RGL1: variants seen among roughly 807,000 people sequenced by gnomAD.
The protein encoded by RGL1 is ral guanine nucleotide dissociation stimulator-like 1.
RGL1 carries 24 observed loss-of-function variants against 95.2 expected under a neutral mutation model. The observed-to-expected ratio is 0.25, with a 90% CI of 0.18 to 0.35. The LOEUF is 0.35. Ranked by LOEUF, RGL1 falls within the 10% of genes least tolerant of loss-of-function variation. RGL1 has a pLI of 1.00. For synonymous variants in RGL1, 329 were observed against 344.9 expected (o/e 0.95, Z 0.51); for missense variants, 715 against 936.3 (o/e 0.76, Z 3.08).
chr1:183,873,946 AGTG>A (rs1666334265), intron 4 of RGL1, among the ~76,000 whole-genome samples: 1 of 152,220 alleles, frequency 6.6e-6, no homozygotes. Flanking sequence ...ACTCAGTTCT[AGTG>A]GTGAAAACTA....
intron 8 of RGL1, among the ~76,000 whole-genome samples, chr1:183,889,923 A>G (rs1284719318): frequency 1.3e-5 from 2 of 152,128 alleles, no homozygotes; most frequent in African/African-American, 4.8e-5. Context: ...ATTTTGAATA[A>G]TCAAGGTGAT....
chr1:183,862,619 C>T (rs146547970), intron 3 of RGL1, among the ~76,000 whole-genome samples: 169 of 152,246 alleles, frequency 1.1e-3, no homozygotes, highest in African/African-American at 4.0e-3. Flanking sequence ...CTTTTATGCT[C>T]CTAAGCCCTT....
chr1:183,854,689 G>A (rs75433519), intron 3 of RGL1, among the ~76,000 whole-genome samples: 5 of 151,868 alleles, frequency 3.3e-5, no homozygotes, highest in Non-Finnish European at 7.4e-5. Flanking sequence ...CAGATTTAAG[G>A]CATATAGTAT....
intron 2 of RGL1, among the ~76,000 whole-genome samples, chr1:183,770,651 G>A (rs1659227258): frequency 6.6e-6 from 1 of 152,162 alleles, no homozygotes. Context: ...AGGAATTAGG[G>A]AGGGAAAAGG....
At chr1:183,681,026 T>C (rs1653176626) in intron 1 of RGL1, among the ~76,000 whole-genome samples, 2 of 152,248 alleles carry the variant, frequency 1.3e-5, no homozygotes, top group African/African-American at 4.8e-5. Flanking sequence ...ATTGATTTTG[T>C]ATCCTGAGAC....
rs12079668 is a variant in RGL1 at position 183,825,682 on chromosome 1, A to G, written c.138+19197A>G. Among the ~76,000 whole-genome samples the G allele has an allele frequency of 1.5e-3, 226 of 152,334 alleles. 2 individuals carry two copies. In the East Asian group the frequency reaches 0.036, roughly 24 times the overall value. ...TCATATCAATTCTGAATGCATAACA[A>G]AGTTGGTTGTTTATATAAAGTCATA... On this transcript the variant is annotated intron_variant, in intron 2 of 17. Transcript: ENST00000360851.
At chr1:183,873,998 T>A (rs1360580568) in intron 4 of RGL1, among the ~76,000 whole-genome samples, 3 of 152,204 alleles carry the variant, frequency 2.0e-5, no homozygotes, top group African/African-American at 7.2e-5. Flanking sequence ...GAGTTCTATT[T>A]ATAACATGAA....
chr1:183,888,249 A>G (rs538463101), intron 7 of RGL1, among the ~76,000 whole-genome samples: 1 of 152,300 alleles, frequency 6.6e-6, no homozygotes, highest in East Asian at 1.9e-4. Context: ...ACACAAAAAA[A>G]TATATTGACG....
intron 1 of RGL1, among the ~76,000 whole-genome samples, chr1:183,706,508 T>C (rs1654922565): frequency 6.6e-6 from 1 of 152,188 alleles, no homozygotes; most frequent in Non-Finnish European, 1.5e-5. Flanking sequence ...GTAGGAGGTT[T>C]TGACTGGCTC....
chr1:183,718,513 G>C (rs754302578), intron 1 of RGL1, among the ~76,000 whole-genome samples: 6 of 152,088 alleles, frequency 3.9e-5, no homozygotes, highest in Non-Finnish European at 5.9e-5. Flanking sequence ...ATGAGCAAAG[G>C]ACTTTCAAAA....
intron 1 of RGL1, among the ~76,000 whole-genome samples, chr1:183,663,393 G>A (rs1343708364): frequency 6.6e-6 from 1 of 151,886 alleles, no homozygotes; most frequent in Non-Finnish European, 1.5e-5. Context: ...CCATCAAAAA[G>A]TGGACGAAGG....
intron 1 of RGL1, among the ~76,000 whole-genome samples, chr1:183,652,303 CAT>C (rs1650818155): frequency 6.6e-6 from 1 of 152,210 alleles, no homozygotes; most frequent in African/African-American, 2.4e-5. Flanking sequence ...AATGATACAT[CAT>C]TACTGTCTTT....
At chr1:183,748,718 T>C (rs1410834800) in intron 2 of RGL1, among the ~76,000 whole-genome samples, 1 of 152,220 alleles carries the variant, frequency 6.6e-6, no homozygotes, top group East Asian at 1.9e-4. Flanking sequence ...TGTTAGTATG[T>C]TGATTTTAGA....
chr1:183,839,078 G>A (rs765368967), intron 2 of RGL1, among the ~76,000 whole-genome samples: 16 of 152,158 alleles, frequency 1.1e-4, no homozygotes, highest in Non-Finnish European at 1.9e-4. Context: ...TAGATCAGAC[G>A]ATGTATGAAT....
intron 1 of RGL1, chr1:183,648,380 G>A: frequency 6.2e-7 from 1 of 1,614,220 alleles, no homozygotes; most frequent in South Asian, 1.1e-5. Context: ...TTTTGCTGAT[G>A]CAGCAGTGGT....
At chr1:183,715,323 T>G (rs574658673) in intron 1 of RGL1, among the ~76,000 whole-genome samples, 10 of 152,204 alleles carry the variant, frequency 6.6e-5, no homozygotes, top group Non-Finnish European at 1.5e-4. Context: ...CCTCCCTCGT[T>G]GTTGGTGAAC....
intron 1 of RGL1, among the ~76,000 whole-genome samples, chr1:183,694,350 C>A (rs746062089): frequency 4.6e-5 from 7 of 152,142 alleles, no homozygotes; most frequent in Non-Finnish European, 7.4e-5. Flanking sequence ...CTGCTAATGC[C>A]AGACTGAGTG....
intron 2 of RGL1, among the ~76,000 whole-genome samples, chr1:183,846,061 A>G (rs1428352249): frequency 6.6e-6 from 1 of 152,268 alleles, no homozygotes; most frequent in Non-Finnish European, 1.5e-5. Flanking sequence ...CCAAAGGATT[A>G]TAAATCATTC....
chr1:183,661,080 C>T (rs1046743330), intron 1 of RGL1, among the ~76,000 whole-genome samples: 2 of 151,958 alleles, frequency 1.3e-5, no homozygotes, highest in African/African-American at 4.8e-5. Context: ...AAATTTATAG[C>T]ACTAAATGCC....
Sources: allele counts gnomAD v4.1 joint callset (sites outside exome capture counted in the v4.1 genomes callset), GRCh38; gene constraint gnomAD v4.1.1; transcripts MANE v1.5; gene names NCBI Gene and HGNC (gene_info 2026-07-23, HGNC 2026-07-21).